The following SYPL2 variants were observed in gnomAD, a reference collection of about 807,000 sequenced individuals.
SYPL2 encodes synaptophysin-like protein 2.
A neutral mutation model predicts 31.3 loss-of-function variants in SYPL2; 24 were observed. The ratio of observed to expected loss-of-function variants is 0.77; its 90% CI spans 0.56 to 1.08. SYPL2 has a LOEUF of 1.08. Among genes scored for constraint, SYPL2 ranks in the 50% least tolerant of loss-of-function variants. The probability of loss-of-function intolerance (pLI) is 0.00; values close to 1 mark genes in which losing one functional copy is unlikely to be tolerated. For missense variants in SYPL2, 342 were observed against 360.1 expected, an observed-to-expected ratio of 0.95 and a Z score of 0.41; for synonymous variants, 144 against 143.1, an observed-to-expected ratio of 1.01 and a Z score of -0.05.
At position 109,467,047 on chromosome 1, in the gene SYPL2, G is replaced by A. The variant is rs776600339; in HGVS notation, c.55-12G>A. On this transcript the variant is annotated splice_polypyrimidine_tract_variant and intron_variant, in intron 1 of 5. Coordinates refer to ENST00000369872, the MANE Select transcript of SYPL2 (RefSeq NM_001040709.2). ...CACCGCCCTGACCCCCCGGCCGGCT[G>A]TGTCTCCGCAGGTGGACCGCCTACT... 2.8e-5 allele frequency: 43 copies of A among 1,543,984 alleles called. No homozygotes were observed. The African/African-American group carries it at 5.9e-4, about 21-fold the overall frequency.
At position 109,478,007 on chromosome 1, in the gene SYPL2, G is replaced by C. The variant is rs377744653; in HGVS notation, c.646G>C (p.Val216Leu). 4 of 1,614,028 alleles carry C rather than the reference G, an allele frequency of 2.5e-6. No homozygotes were observed. In the South Asian group the frequency reaches 4.4e-5, roughly 18 times the overall value. The change falls in exon 5 of 6, where the codon GTG becomes CTG. Residue 216 changes from valine to leucine, a missense_variant and splice_region_variant. Coordinates refer to ENST00000369872, the MANE Select transcript of SYPL2 (RefSeq NM_001040709.2). The surrounding 1 kb of genome is among the most constrained non-coding windows in gnomAD (Gnocchi z 4.0). ...TPSMGLANIS[V>L]LFGFINFFLW... is the part of the protein sequence containing the mutation. ...CTCTATGGGCCTGGCCAACATCTCC[G>C]TGGTGAGACCTGTGGCCACTGCAGG...
At chr1:109,467,948 A>T (rs1655706665) in intron 2 of SYPL2, among the ~76,000 whole-genome samples, 1 of 152,114 alleles carries the variant, frequency 6.6e-6, no homozygotes, top group African/African-American at 2.4e-5. Flanking sequence ...CTTATGCTCT[A>T]AATAGTTTGG....
At position 109,466,682 on chromosome 1, in the gene SYPL2, A is replaced by C; in HGVS notation, c.-162A>C. 1 of 661,654 alleles carries C rather than the reference A, an allele frequency of 1.5e-6. No individual in the cohort carries two copies. The highest frequency in any genetic ancestry group is 2.2e-6 in the Non-Finnish European group (1 of 455,056). The allele number at this position is 661,654 out of a possible 1,614,324, so 41.0% of individuals were successfully genotyped here. On this transcript the variant is annotated 5_prime_UTR_variant, in exon 1 of 6. Transcript: ENST00000369872. ...CAGCGCCCCCGCGTCCCAGCCAGCC[A>C]GCCAGCCAGACTGGACTCCGGCCCA... is the stretch of plus-strand genomic sequence containing the variant.
At position 109,477,930 on chromosome 1, in the gene SYPL2, C is replaced by T. The variant is rs1206008565; in HGVS notation, c.569C>T (p.Ala190Val). 3 of 1,614,248 alleles carry T rather than the reference C, an allele frequency of 1.9e-6. No homozygotes were observed. The highest frequency in any genetic ancestry group is 2.5e-6 in the Non-Finnish European group (3 of 1,180,050). ...ACACGACCATCCAGCTTGACAGCAG[C>T]CATGTCAGTGTGCCATGGAGAGGAA... Reference protein sequence around the residue: ...GATRPSSLTAAMSVCHGEEAV... With the variant: ...GATRPSSLTAVMSVCHGEEAV... Residue 190 changes from alanine (A) to valine (V), a missense_variant, in exon 5 of 6, where the codon GCC (alanine) becomes GTC (valine). Physicochemically the swap from Ala to Val is moderately conservative, Grantham distance 64. Coordinates refer to ENST00000369872, the MANE Select transcript of SYPL2 (RefSeq NM_001040709.2).
In SYPL2 at chr1:109,481,238, A is replaced by G. The variant is rs1270255333; in HGVS notation, c.*1690A>G. ...AATGCTTGAGTCCCTCAGTGAAAGA[A>G]TTAGTTTTTGTTTGTTTGTTTAAGA... is the stretch of plus-strand genomic sequence containing the variant. On this transcript the variant is annotated 3_prime_UTR_variant, in exon 6 of 6. Transcript: ENST00000369872. The G allele has an allele frequency of 6.6e-6, 1 of 152,626 alleles. No individual in the cohort carries two copies. Among genetic ancestry groups the G allele is most frequent in the Non-Finnish European group, 1.5e-5 (1 of 68,038 alleles). The allele number at this position is 152,626 out of a possible 1,614,324, so 9.5% of individuals were successfully genotyped here. A position where few individuals can be genotyped will look rare whatever the true frequency, so the allele number is the denominator to read the frequency against.
In SYPL2 at chr1:109,479,413, G is replaced by A. The variant is rs764879669; in HGVS notation, c.684G>A (p.Gly228=). Residue 228 remains glycine, a synonymous_variant, in exon 6 of 6, where the codon GGG becomes GGA. Coordinates refer to ENST00000369872, the MANE Select transcript of SYPL2 (RefSeq NM_001040709.2). Reference sequence around the variant, plus strand: ...TTATCAACTTCTTCCTGTGGGCCGGGAACTGTTGGTTTGTGTTCAAGGAGA... The same window carrying A: ...TTATCAACTTCTTCCTGTGGGCCGGAAACTGTTGGTTTGTGTTCAAGGAGA... ...FGFINFFLWA[G]NCWFVFKETP... 1.7e-5 allele frequency: 28 copies of A among 1,614,038 alleles called. No homozygotes were observed. In the South Asian group the frequency reaches 2.7e-4, roughly 16 times the overall value.
chr1:109,476,784 G>C lies in SYPL2; in HGVS notation c.263G>C (p.Arg88Pro). 1 of 1,613,990 alleles carries C rather than the reference G, an allele frequency of 6.2e-7. No homozygotes were observed. The highest frequency in any genetic ancestry group is 2.2e-5 in the East Asian group (1 of 44,886). The change falls in exon 4 of 6, where the codon CGG becomes CCG. Residue 88 changes from arginine to proline, a missense_variant. By Grantham distance (103) the Arg-to-Pro change is moderately radical. Transcript: ENST00000369872. ...TCCCCTGCCACCTGCAGGTTGCACC[G>C]GATCCAATATGAGATGCCCCTCTGC... ...VAFGYPFRLHRIQYEMPLCDE... is the reference protein window; with the variant it reads ...VAFGYPFRLHPIQYEMPLCDE...
At chr1:109,470,541 C>A (rs1299181366) in intron 2 of SYPL2, among the ~76,000 whole-genome samples, 2 of 152,170 alleles carry the variant, frequency 1.3e-5, no homozygotes, top group East Asian at 3.9e-4. Context: ...AATGGAGGTC[C>A]AAGAGGAGAA....
In SYPL2 at chr1:109,479,497, G is replaced by A. The variant is rs1464526197; in HGVS notation, c.768G>A (p.Gln256=). Residue 256 remains glutamine (Q), a synonymous_variant, in exon 6 of 6, where the codon CAG becomes CAA. Coordinates refer to ENST00000369872, the MANE Select transcript of SYPL2 (RefSeq NM_001040709.2). ...AGGACCAGGACCAGGACCAGGGCCA[G>A]GGTCCCAGCCAGGAGAGTGCAGCTG... is the stretch of plus-strand genomic sequence containing the variant. The part of the protein sequence containing the change: ...QDQDQDQDQG[Q]GPSQESAAEQ... The A allele has an allele frequency of 1.1e-5, 18 of 1,614,098 alleles. No individual in the cohort carries two copies. Among genetic ancestry groups the A allele is most frequent in the Non-Finnish European group, 1.4e-5 (17 of 1,180,038 alleles).
Position 109,481,924 on chromosome 1 carries a change from G to A in SYPL2, c.*2376G>A, listed in dbSNP as rs1420109673. 1 of 152,624 alleles carries A rather than the reference G, an allele frequency of 6.6e-6. No individual in the cohort carries two copies. The allele number at this position is 152,624 out of a possible 1,614,324, so 9.5% of individuals were successfully genotyped here. ...GCTGCTGTAGGAGGCTAATGGGCAG[G>A]GTACTTGCCCTTTGTCCCACTAGAC... On this transcript the variant is annotated 3_prime_UTR_variant, in exon 6 of 6. Transcript: ENST00000369872.
At position 109,479,567 on chromosome 1, in the gene SYPL2, A is replaced by G. The variant is rs1656106072; in HGVS notation, c.*19A>G. The stretch of plus-strand genomic sequence containing the variant: ...GCAGTAAGCAGCCCCCCACCTGGCT[A>G]TTCCCGAACTGGACAGCACCTCTTC... On this transcript the variant is annotated 3_prime_UTR_variant, in exon 6 of 6. Coordinates refer to ENST00000369872, the MANE Select transcript of SYPL2 (RefSeq NM_001040709.2). 2 of 1,609,444 alleles carry G rather than the reference A, an allele frequency of 1.2e-6. No homozygotes were observed. Among genetic ancestry groups the G allele is most frequent in the Non-Finnish European group, 1.7e-6 (2 of 1,176,998 alleles).
rs1656139169 is a variant in SYPL2 at position 109,480,787 on chromosome 1, G to C, written c.*1239G>C. 6.6e-6 allele frequency: 1 copy of C among 152,662 alleles called. No individual in the cohort carries two copies. Among genetic ancestry groups the C allele is most frequent in the South Asian group, 2.1e-4 (1 of 4,832 alleles). 9.5% of individuals were successfully genotyped at this position (152,662 alleles called of 1,614,324 possible). On this transcript the variant is annotated 3_prime_UTR_variant, in exon 6 of 6. Transcript: ENST00000369872. ...CCTCTCAAGTCCAGGGCAGGCCGAT[G>C]CTATTGGTGCTTCTTCACTTTGGGA... is the stretch of plus-strand genomic sequence containing the variant.
chr1:109,473,328 A>G (rs532258684), intron 2 of SYPL2, among the ~76,000 whole-genome samples: 1 of 152,274 alleles, frequency 6.6e-6, no homozygotes, highest in Non-Finnish European at 1.5e-5. Flanking sequence ...TTTCCCAGAT[A>G]TCTTTAAACA....
intron 2 of SYPL2, 111 bp from the exon 3 acceptor site, chr1:109,475,470 C>T: frequency 7.1e-7 from 1 of 1,405,308 alleles, no homozygotes; most frequent in African/African-American, 1.4e-5. Context: ...GGGATCCTCA[C>T]TCTCCCCCAC....
At chr1:109,469,808 A>G (rs1461968491) in intron 2 of SYPL2, among the ~76,000 whole-genome samples, 1 of 136,300 alleles carries the variant, frequency 7.3e-6, no homozygotes, top group Admixed American at 8.0e-5. Flanking sequence ...AGCCTGAGTG[A>G]CAGAACTAGA....
At chr1:109,472,730 G>A (rs1655872732) in intron 2 of SYPL2, among the ~76,000 whole-genome samples, 1 of 148,498 alleles carries the variant, frequency 6.7e-6, no homozygotes, top group Admixed American at 6.9e-5. Flanking sequence ...CTCCCCATCA[G>A]CCTCCTGAGT....
At chr1:109,470,444 T>G (rs1485025153) in intron 2 of SYPL2, among the ~76,000 whole-genome samples, 2 of 152,144 alleles carry the variant, frequency 1.3e-5, no homozygotes, top group Non-Finnish European at 2.9e-5. Flanking sequence ...GGGAGCCTCA[T>G]CCTTAAACTG....
At position 109,476,854 on chromosome 1, in the gene SYPL2, C is replaced by G; in HGVS notation, c.333C>G (p.Phe111Leu). The part of the protein sequence containing the change: ...SSKTMHLMGD[F>L]SAPAEFFVTL... Reference sequence around the variant, plus strand: ...AGACCATGCACCTCATGGGGGACTTCTCTGCACCCGCCGAGTTCTTCGTGA... The same window carrying G: ...AGACCATGCACCTCATGGGGGACTTGTCTGCACCCGCCGAGTTCTTCGTGA... Residue 111 changes from phenylalanine to leucine, a missense_variant, in exon 4 of 6, where the codon TTC becomes TTG. By Grantham distance (22) the Phe-to-Leu change is conservative. Transcript: ENST00000369872. The G allele has an allele frequency of 1.2e-6, 2 of 1,614,246 alleles. No individual in the cohort carries two copies. The highest frequency in any genetic ancestry group is 1.7e-6 in the Non-Finnish European group (2 of 1,180,042).
chr1:109,479,637 T>G lies in SYPL2; in HGVS notation c.*89T>G. ...GACCTTTCTCTTCCTCCTCCTCCAA[T>G]TCCCCTCCCCCATCATTCTGGTCTT... On this transcript the variant is annotated 3_prime_UTR_variant, in exon 6 of 6. Coordinates refer to ENST00000369872, the MANE Select transcript of SYPL2 (RefSeq NM_001040709.2). 4 of 1,520,354 alleles carry G rather than the reference T, an allele frequency of 2.6e-6. No homozygotes were observed. The highest frequency in any genetic ancestry group is 3.5e-6 in the Non-Finnish European group (4 of 1,127,360). 94.2% of individuals were successfully genotyped at this position (1,520,354 alleles called of 1,614,324 possible).
Sources: gnomAD v4.1 joint callset for allele counts (sites outside exome capture counted in the v4.1 genomes callset) on GRCh38, gnomAD v4.1.1 for gene constraint, Gnocchi (gnomAD v3.1) non-coding constraint, MANE v1.5 for transcripts, NCBI Gene and HGNC (gene_info 2026-07-23, HGNC 2026-07-21) for gene names.